ALK: variants seen among roughly 807,000 people sequenced by gnomAD.
The protein encoded by ALK is ALK tyrosine kinase receptor.
A neutral mutation model predicts 163.1 loss-of-function variants in ALK; 74 were observed. The observed-to-expected ratio is 0.45, with a 90% CI of 0.38 to 0.55. The LOEUF (loss-of-function observed/expected upper bound fraction) is 0.55, where lower values mean the gene tolerates loss of function less well. Ranked by LOEUF, ALK falls within the 20% of genes least tolerant of loss-of-function variation. ALK has a pLI of 0.00. For missense variants in ALK, 2,063 were observed against 2,105.3 expected (o/e 0.98, Z 0.39); for synonymous variants, 960 against 843.2 (o/e 1.14, Z -2.40).
At chr2:29,604,824 T>C (rs1007490232) in intron 3 of ALK, among the ~76,000 whole-genome samples, 3 of 152,198 alleles carry the variant, frequency 2.0e-5, no homozygotes, top group African/African-American at 4.8e-5. Flanking sequence ...GTCTCTGGAT[T>C]AGAGTGCCTT....
At chr2:29,607,473 T>C (rs1048541049) in intron 3 of ALK, among the ~76,000 whole-genome samples, 1 of 152,166 alleles carries the variant, frequency 6.6e-6, no homozygotes, top group African/African-American at 2.4e-5. Flanking sequence ...TCCAATCTCC[T>C]TCCCATCCTC....
chr2:29,214,113 G>C, intron 23 of ALK, 32 bp from the exon 24 acceptor site: 1 of 1,588,374 alleles, frequency 6.3e-7, no homozygotes, highest in East Asian at 2.2e-5. Context: ...CCACTGACGA[G>C]GAGCTTGTCA....
intron 4 of ALK, among the ~76,000 whole-genome samples, chr2:29,396,853 T>TTTTTTTTTC (rs1669322832): frequency 1.4e-5 from 2 of 140,238 alleles, no homozygotes; most frequent in East Asian, 4.0e-4. Flanking sequence ...TTTTTTTTTT[T>TTTTTTTTTC]TTTTTTTGCT....
intron 1 of ALK, among the ~76,000 whole-genome samples, chr2:29,856,023 A>G (rs758874627): frequency 3.9e-5 from 6 of 152,228 alleles, no homozygotes; most frequent in African/African-American, 7.2e-5. Context: ...TGCAGATGAA[A>G]TATGCATATT....
rs766036350 is a variant in ALK, at chr2:29,207,276, T to G, written c.3837-4A>C. ...TCCCTTTCTATAGTAGCTCGCCCTG[T>G]GGGGAAGGAGAGGAAAACCAAACTA... On this transcript the variant is annotated splice_polypyrimidine_tract_variant and splice_region_variant and intron_variant, in intron 25 of 28. Coordinates refer to ENST00000389048, the MANE Select transcript of ALK (RefSeq NM_004304.5). The G allele has an allele frequency of 6.2e-7, 1 of 1,613,486 alleles. No homozygotes were observed.
At position 29,282,564 on chromosome 2, in the gene ALK, G is replaced by A. The variant is rs1370502779; in HGVS notation, c.1818-7068C>T. Among the ~76,000 whole-genome samples the A allele has an allele frequency of 2.0e-5, 3 of 152,106 alleles. 1 individual carries two copies. The highest frequency in any genetic ancestry group is 4.4e-5 in the Non-Finnish European group (3 of 68,014). ...CAGGAGTTGGGAACATACCCCTCCT[G>A]GCTCCATCCCACTCTTAGAAGTAAT... On this transcript the variant is annotated intron_variant, in intron 9 of 28. Transcript: ENST00000389048.
intron 3 of ALK, among the ~76,000 whole-genome samples, chr2:29,622,145 G>T (rs1340180953): frequency 6.6e-6 from 1 of 152,168 alleles, no homozygotes; most frequent in African/African-American, 2.4e-5. Flanking sequence ...TGGTAAATCT[G>T]ATCGTATATC....
chr2:29,634,922 A>T (rs1558418535), intron 3 of ALK, among the ~76,000 whole-genome samples: 1 of 152,216 alleles, frequency 6.6e-6, no homozygotes, highest in Non-Finnish European at 1.5e-5. Flanking sequence ...TACAACTAAT[A>T]AGTGAATTCA....
chr2:29,551,054 T>C (rs1289046107), intron 3 of ALK, among the ~76,000 whole-genome samples: 1 of 152,178 alleles, frequency 6.6e-6, no homozygotes, highest in Admixed American at 6.5e-5. Flanking sequence ...CTCCTGCTTC[T>C]GTGAATATCA....
At chr2:29,364,182 C>T (rs1376794772) in intron 5 of ALK, among the ~76,000 whole-genome samples, 2 of 152,142 alleles carry the variant, frequency 1.3e-5, no homozygotes, top group Non-Finnish European at 2.9e-5. Flanking sequence ...AGACAGCCAC[C>T]CAAGTTCTAC....
chr2:29,540,225 C>CTG (rs1402489468), intron 3 of ALK, among the ~76,000 whole-genome samples: 8 of 152,104 alleles, frequency 5.3e-5, no homozygotes, highest in African/African-American at 1.7e-4. Context: ...GGTTCCTGAC[C>CTG]TGTGGTAAGT....
chr2:29,304,558 T>C (rs867179533), intron 8 of ALK, among the ~76,000 whole-genome samples: 1 of 151,420 alleles, frequency 6.6e-6, no homozygotes, highest in East Asian at 1.9e-4. Flanking sequence ...GCCAAATCCC[T>C]GTCCCTGTGC....
chr2:29,317,631 C>A (rs80332323), intron 8 of ALK, among the ~76,000 whole-genome samples: 150 of 152,316 alleles, frequency 9.8e-4, no homozygotes, highest in African/African-American at 3.6e-3. Context: ...GAAACTGAAG[C>A]CCCAAGAGGT....
intron 4 of ALK, among the ~76,000 whole-genome samples, chr2:29,447,107 G>C (rs535029325): frequency 1.3e-5 from 2 of 152,154 alleles, no homozygotes; most frequent in African/African-American, 4.8e-5. Flanking sequence ...AACGCAGCTG[G>C]GGCCTCGTCT....
At chr2:29,764,201 C>T (rs764302145) in intron 1 of ALK, among the ~76,000 whole-genome samples, 3 of 152,320 alleles carry the variant, frequency 2.0e-5, no homozygotes, top group Admixed American at 6.5e-5. Flanking sequence ...AAGGGTCAGG[C>T]TGAGGCCCTG....
At chr2:29,602,836 C>T (rs1029283563) in intron 3 of ALK, among the ~76,000 whole-genome samples, 1 of 152,176 alleles carries the variant, frequency 6.6e-6, no homozygotes, top group Non-Finnish European at 1.5e-5. Flanking sequence ...GTATTCCGAG[C>T]CAGATGTGAA....
chr2:29,560,256 T>G (rs1437537521), intron 3 of ALK, among the ~76,000 whole-genome samples: 1 of 152,184 alleles, frequency 6.6e-6, no homozygotes, highest in East Asian at 1.9e-4. Flanking sequence ...TGCAATGGAA[T>G]ATTATTCAAC....
At chr2:29,795,036 A>G (rs1343243963) in intron 1 of ALK, among the ~76,000 whole-genome samples, 1 of 152,206 alleles carries the variant, frequency 6.6e-6, no homozygotes, top group Non-Finnish European at 1.5e-5. Flanking sequence ...ACTGCATACA[A>G]ATATTGCAAA....
At chr2:29,893,933 T>A (rs746788103) in intron 1 of ALK, among the ~76,000 whole-genome samples, 51 of 152,144 alleles carry the variant, frequency 3.4e-4, no homozygotes, top group Non-Finnish European at 6.9e-4. Context: ...TATGGACTGA[T>A]ATGAGGACAA....
Sources: allele counts gnomAD v4.1 joint callset (sites outside exome capture counted in the v4.1 genomes callset), GRCh38; gene constraint gnomAD v4.1.1; transcripts MANE v1.5; gene names NCBI Gene and HGNC (gene_info 2026-07-23, HGNC 2026-07-21).